Variants in MGMT observed in about 807,000 individuals in gnomAD.
MGMT encodes methylated-DNA--protein-cysteine methyltransferase.
In MGMT, 14 loss-of-function variants were observed where a neutral mutation model predicts 15.9. That is an observed-to-expected ratio of 0.88 (90% CI 0.58 to 1.37). The LOEUF (loss-of-function observed/expected upper bound fraction) is 1.37. Among genes scored for constraint, MGMT ranks in the 40% most tolerant of loss-of-function variants. The pLI is 0.00. For synonymous variants in MGMT, 130 were observed against 118.2 expected (o/e 1.10, Z -0.65); for missense variants, 282 against 268.1 (o/e 1.05, Z -0.36).
intron 2 of MGMT, among the ~76,000 whole-genome samples, chr10:129,690,707 G>A (rs1847959861): frequency 6.6e-6 from 1 of 152,210 alleles, no homozygotes. Flanking sequence ...GGGATAAGAG[G>A]AGGAAAGTCC....
chr10:129,661,350 G>A (rs746945017), intron 2 of MGMT, among the ~76,000 whole-genome samples: 4 of 152,030 alleles, frequency 2.6e-5, no homozygotes, highest in Admixed American at 6.5e-5. Flanking sequence ...AAATGTTCAC[G>A]GATGCAGCCC....
At chr10:129,573,567 A>G (rs1372104834) in intron 2 of MGMT, among the ~76,000 whole-genome samples, 9 of 151,900 alleles carry the variant, frequency 5.9e-5, no homozygotes, top group Non-Finnish European at 1.3e-4. Flanking sequence ...TACTTTTTAA[A>G]TGTTGTTTTT....
At chr10:129,487,754 G>A (rs369270172) in intron 1 of MGMT, among the ~76,000 whole-genome samples, 52 of 151,740 alleles carry the variant, frequency 3.4e-4, no homozygotes, top group African/African-American at 1.1e-3. Flanking sequence ...CCAGTTTGTG[G>A]CCTGCATTTT....
intron 2 of MGMT, among the ~76,000 whole-genome samples, chr10:129,586,050 A>G (rs921628674): frequency 6.6e-5 from 10 of 152,126 alleles, no homozygotes; most frequent in African/African-American, 1.9e-4. Flanking sequence ...GGACAGAGGG[A>G]TGATTCGTGT....
intron 4 of MGMT, among the ~76,000 whole-genome samples, chr10:129,761,645 A>C (rs1219744551): frequency 6.6e-6 from 1 of 152,234 alleles, no homozygotes; most frequent in Non-Finnish European, 1.5e-5. Context: ...ATGGGATGTA[A>C]AACCCTAATG....
chr10:129,541,124 G>A (rs1326112082), intron 2 of MGMT, among the ~76,000 whole-genome samples: 2 of 152,234 alleles, frequency 1.3e-5, no homozygotes, highest in African/African-American at 4.8e-5. Flanking sequence ...TGTGTACAAA[G>A]TGTGATTCCC....
intron 1 of MGMT, among the ~76,000 whole-genome samples, chr10:129,511,229 C>T (rs796360015): frequency 6.6e-6 from 1 of 150,444 alleles, no homozygotes; most frequent in African/African-American, 2.4e-5. Context: ...CCACGTGCTT[C>T]CTGTGATGGG....
chr10:129,511,155 G>A (rs1428933720), intron 1 of MGMT, among the ~76,000 whole-genome samples: 2 of 145,572 alleles, frequency 1.4e-5, no homozygotes, highest in Non-Finnish European at 1.5e-5. Flanking sequence ...CATGTGATGG[G>A]AACCCGGTAT....
intron 2 of MGMT, among the ~76,000 whole-genome samples, chr10:129,615,190 T>C (rs1847009524): frequency 6.6e-6 from 1 of 152,208 alleles, no homozygotes; most frequent in South Asian, 2.1e-4. Flanking sequence ...TTTCCAGTTG[T>C]TTCTAATGTC....
intron 2 of MGMT, among the ~76,000 whole-genome samples, chr10:129,691,962 T>C (rs961549494): frequency 5.3e-5 from 8 of 152,198 alleles, no homozygotes; most frequent in Non-Finnish European, 1.2e-4. Flanking sequence ...ACTTTGGTTT[T>C]CTCGTTAATC....
intron 2 of MGMT, among the ~76,000 whole-genome samples, chr10:129,673,602 C>G (rs1564756045): frequency 6.6e-6 from 1 of 152,118 alleles, no homozygotes; most frequent in Non-Finnish European, 1.5e-5. Flanking sequence ...TGAGCACTGG[C>G]CAAGGACCAG....
chr10:129,688,756 A>G (rs1300144878), intron 2 of MGMT, among the ~76,000 whole-genome samples: 8 of 152,198 alleles, frequency 5.3e-5, no homozygotes, highest in Non-Finnish European at 1.0e-4. Flanking sequence ...GACAAATGGT[A>G]TCTAATTAAA....
intron 2 of MGMT, among the ~76,000 whole-genome samples, chr10:129,555,042 C>T (rs1002338336): frequency 4.6e-5 from 7 of 152,186 alleles, no homozygotes; most frequent in East Asian, 1.9e-4. Context: ...CTTAGAACAA[C>T]GCCACCCCAT....
chr10:129,571,167 A>G (rs907072979), intron 2 of MGMT, among the ~76,000 whole-genome samples: 2 of 152,208 alleles, frequency 1.3e-5, no homozygotes, highest in African/African-American at 2.4e-5. Flanking sequence ...GTCATAAAAA[A>G]TGAAGGATCC....
intron 2 of MGMT, among the ~76,000 whole-genome samples, chr10:129,614,968 T>C (rs148029354): frequency 9.9e-5 from 15 of 152,266 alleles, no homozygotes; most frequent in African/African-American, 2.2e-4. Flanking sequence ...CATTGGTTTT[T>C]GTTTTTTGTT....
chr10:129,743,006 A>T (rs527376661), intron 3 of MGMT, among the ~76,000 whole-genome samples: 9 of 152,336 alleles, frequency 5.9e-5, no homozygotes, highest in Non-Finnish European at 1.2e-4. Flanking sequence ...ACGATAAAAA[A>T]ACGGAGCCAT....
At chr10:129,470,135 TCG>T (rs1250154207) in intron 1 of MGMT, among the ~76,000 whole-genome samples, 1 of 152,164 alleles carries the variant, frequency 6.6e-6, no homozygotes, top group Non-Finnish European at 1.5e-5. Context: ...AGCCAGCCCT[TCG>T]CCCCACTCTT....
rs502785 is a variant in MGMT, at chr10:129,559,086, G to T, written c.125+22709G>T. 8.5e-3 allele frequency among the ~76,000 whole-genome samples: 1,294 copies of T among 152,226 alleles called. 6 individuals carry two copies. The highest frequency in any genetic ancestry group is 0.027 in the Middle Eastern group (8 of 294). The stretch of plus-strand genomic sequence containing the variant: ...GCATCGACCAGGATGCTGTTTCTGC[G>T]TCGGAACGTGGTGTCTTTGTTTACC... On this transcript the variant is annotated intron_variant, in intron 2 of 4. Transcript: ENST00000651593.
chr10:129,481,682 G>C (rs1007048074), intron 1 of MGMT, among the ~76,000 whole-genome samples: 3 of 152,024 alleles, frequency 2.0e-5, no homozygotes, highest in African/African-American at 7.2e-5. Context: ...TATTTGTCAA[G>C]GAATTTGACC....
Sources: allele counts gnomAD v4.1 joint callset (sites outside exome capture counted in the v4.1 genomes callset), GRCh38; gene constraint gnomAD v4.1.1; transcripts MANE v1.5; gene names NCBI Gene and HGNC (gene_info 2026-07-23, HGNC 2026-07-21).